The following FTO variants were observed in gnomAD, a reference collection of about 807,000 sequenced individuals.
FTO encodes alpha-ketoglutarate-dependent dioxygenase FTO.
Under a neutral mutation model 63.9 loss-of-function variants are expected in FTO, and 47 were observed. The observed-to-expected ratio is 0.74, with a 90% CI of 0.58 to 0.94. The LOEUF (loss-of-function observed/expected upper bound fraction) is 0.94. FTO is among the 40% of genes least tolerant of loss of function. The pLI, the probability that FTO is intolerant of heterozygous loss-of-function variation, is 0.00. For synonymous variants in FTO, 207 were observed against 224.4 expected, an observed-to-expected ratio of 0.92 and a Z score of 0.69; for missense variants, 562 against 618.1, an observed-to-expected ratio of 0.91 and a Z score of 0.96.
intron 5 of FTO, among the ~76,000 whole-genome samples, chr16:53,878,468 T>C (rs1386262390): frequency 6.6e-6 from 1 of 152,160 alleles, no homozygotes; most frequent in Admixed American, 6.5e-5. Flanking sequence ...CAAGCTTCTG[T>C]TTCTTGGCAC....
At chr16:53,997,052 G>A (rs1424316942) in intron 8 of FTO, among the ~76,000 whole-genome samples, 1 of 151,900 alleles carries the variant, frequency 6.6e-6, no homozygotes, top group African/African-American at 2.4e-5. Flanking sequence ...GACAGAGGTT[G>A]CAGTGAGCCG....
chr16:53,827,494 T>C (rs2079037936), intron 3 of FTO, among the ~76,000 whole-genome samples: 1 of 152,226 alleles, frequency 6.6e-6, no homozygotes, highest in Non-Finnish European at 1.5e-5. Flanking sequence ...ACTCTAGTTA[T>C]TTGATTGGAT....
intron 8 of FTO, among the ~76,000 whole-genome samples, chr16:54,056,572 G>T (rs1234579252): frequency 6.6e-6 from 1 of 152,160 alleles, no homozygotes; most frequent in East Asian, 1.9e-4. Context: ...CTTTCTGTCT[G>T]GACTACTCAC....
At position 54,028,566 on chromosome 16, in the gene FTO, C is replaced by T. The variant is rs943500226; in HGVS notation, c.1365-83196C>T. ...TTAATCTGTTGTTAAACGATACTAC[C>T]GATTACAACTCTTTCCATGTCACTA... On this transcript the variant is annotated intron_variant, in intron 8 of 8. Coordinates refer to ENST00000471389, the MANE Select transcript of FTO (RefSeq NM_001080432.3). 7.2e-5 allele frequency among the ~76,000 whole-genome samples: 11 copies of T among 152,194 alleles called. No individual in the cohort carries two copies. The East Asian group carries it at 7.7e-4, about 11-fold the overall frequency.
intron 7 of FTO, among the ~76,000 whole-genome samples, chr16:53,893,735 C>T (rs375642721): frequency 2.6e-5 from 4 of 151,122 alleles, no homozygotes; most frequent in South Asian, 2.1e-4. Context: ...TAAACATTTT[C>T]GAAAGTAGTG....
chr16:53,746,748 A>G (rs572656591), intron 1 of FTO, among the ~76,000 whole-genome samples: 1 of 152,278 alleles, frequency 6.6e-6, no homozygotes, highest in East Asian at 1.9e-4. Context: ...ATATGTTATT[A>G]TTTACTATAT....
chr16:53,759,693 C>CAAAAAAAAAAAAAAAAAA (rs758376530), intron 1 of FTO, among the ~76,000 whole-genome samples: 23 of 28,424 alleles, frequency 8.1e-4, no homozygotes, highest in Non-Finnish European at 1.2e-3. Context: ...GACTCCTTCT[C>CAAAAAAAAAAAAAAAAAA]AAAAAAAAAA....
intron 8 of FTO, among the ~76,000 whole-genome samples, chr16:54,025,740 C>A (rs918761449): frequency 6.8e-6 from 1 of 146,656 alleles, no homozygotes; most frequent in Admixed American, 6.8e-5. Flanking sequence ...TGGCTGGGCG[C>A]GGTGGCTCGC....
chr16:53,833,742 C>T (rs1371545917), intron 3 of FTO, among the ~76,000 whole-genome samples: 1 of 152,184 alleles, frequency 6.6e-6, no homozygotes. Context: ...CCAACACTTA[C>T]TGTTTCCTGT....
rs7499606 is a variant in FTO at position 53,810,202 on chromosome 16, T to A, written c.108T>A (p.Asp36Glu). ...TWLPYLTPKD[D>E]EFYQQWQLKY... The stretch of plus-strand genomic sequence containing the variant: ...TCCCTTATCTGACCCCCAAAGATGA[T>A]GAATTCTATCAGCAGGTAAGGTATT... Residue 36 changes from aspartate (D) to glutamate (E), a missense_variant, in exon 2 of 9, where the codon GAT (aspartate) becomes GAA (glutamate). Asp to Glu is a conservative substitution (Grantham distance 45). Transcript: ENST00000471389. The A allele has an allele frequency of 6.9e-6, 11 of 1,604,862 alleles. No individual in the cohort carries two copies. The highest frequency in any genetic ancestry group is 9.4e-6 in the Non-Finnish European group (11 of 1,172,064).
chr16:53,967,023 C>T (rs1303456798), intron 8 of FTO, among the ~76,000 whole-genome samples: 1 of 152,198 alleles, frequency 6.6e-6, no homozygotes, highest in Non-Finnish European at 1.5e-5. Context: ...TGAGGAGCAG[C>T]AGTTCTTGGC....
At chr16:53,809,865 C>T (rs186857226) in intron 1 of FTO, among the ~76,000 whole-genome samples, 51 of 151,732 alleles carry the variant, frequency 3.4e-4, no homozygotes, top group African/African-American at 1.1e-3. Context: ...CACTTGAGCC[C>T]AGGAGTTTGA....
intron 8 of FTO, among the ~76,000 whole-genome samples, chr16:54,104,332 G>GTTA (rs2086702071): frequency 2.1e-5 from 3 of 143,512 alleles, no homozygotes; most frequent in African/African-American, 7.8e-5. Context: ...TTTTTTTTTG[G>GTTA]GATGGAGTTT....
chr16:53,720,811 C>G (rs938933185), intron 1 of FTO, among the ~76,000 whole-genome samples: 4 of 151,430 alleles, frequency 2.6e-5, no homozygotes, highest in African/African-American at 9.7e-5. Context: ...GAGACAGAGT[C>G]CTGGGTCCTG....
chr16:53,928,607 T>C, intron 7 of FTO, among the ~76,000 whole-genome samples: 1 of 150,366 alleles, frequency 6.7e-6, no homozygotes, highest in East Asian at 1.9e-4. Flanking sequence ...TTTTCTAATA[T>C]TAAAATAGTT....
At chr16:54,030,255 G>T (rs1289595047) in intron 8 of FTO, among the ~76,000 whole-genome samples, 2 of 152,176 alleles carry the variant, frequency 1.3e-5, no homozygotes, top group African/African-American at 4.8e-5. Flanking sequence ...AATTAACGTA[G>T]ATTAAGGATT....
At chr16:53,712,444 C>T (rs552926022) in intron 1 of FTO, among the ~76,000 whole-genome samples, 11 of 152,198 alleles carry the variant, frequency 7.2e-5, no homozygotes, top group South Asian at 2.1e-4. Context: ...ATCACTGTTT[C>T]GGAGGTTTAG....
intron 7 of FTO, among the ~76,000 whole-genome samples, chr16:53,931,681 G>A (rs993879510): frequency 1.3e-5 from 2 of 152,066 alleles, no homozygotes; most frequent in Non-Finnish European, 2.9e-5. Flanking sequence ...ACAAGGAGTA[G>A]TACCGTTGTT....
chr16:54,117,835 C>CT lies in FTO; in HGVS notation c.*5921dup, dbSNP rs1430492790. On this transcript the variant is annotated 3_prime_UTR_variant, in exon 9 of 9. Coordinates refer to ENST00000471389, the MANE Select transcript of FTO (RefSeq NM_001080432.3). ...ACAATTGTTTATTGACTCTGAATGT[C>CT]TAAGTACCAGGGTCAGTCTATTTCA... 2 of 152,190 alleles carry CT rather than the reference C, an allele frequency of 1.3e-5. No homozygotes were observed. The highest frequency in any genetic ancestry group is 4.8e-5 in the African/African-American group (2 of 41,452). 9.4% of individuals were successfully genotyped at this position (152,190 alleles called of 1,614,324 possible). A position where few individuals can be genotyped will look rare whatever the true frequency, so the allele number is the denominator to read the frequency against.
Sources: allele counts gnomAD v4.1 joint callset (sites outside exome capture counted in the v4.1 genomes callset), GRCh38; gene constraint gnomAD v4.1.1; transcripts MANE v1.5; gene names NCBI Gene and HGNC (gene_info 2026-07-23, HGNC 2026-07-21).